PDE8B: variants seen among roughly 807,000 people sequenced by gnomAD.
PDE8B encodes the protein phosphodiesterase 8B.
Under a neutral mutation model 101.3 loss-of-function variants are expected in PDE8B, and 26 were observed. The ratio of observed to expected loss-of-function variants is 0.26; its 90% CI spans 0.19 to 0.36. The LOEUF (loss-of-function observed/expected upper bound fraction) is 0.36, where lower values mean the gene tolerates loss of function less well. Ranked by LOEUF, PDE8B falls within the 10% of genes least tolerant of loss-of-function variation. PDE8B has a pLI of 1.00. For synonymous variants in PDE8B, 424 were observed against 429.3 expected, an observed-to-expected ratio of 0.99 and a Z score of 0.15; for missense variants, 810 against 1,163.1, an observed-to-expected ratio of 0.70 and a Z score of 4.42.
chr5:77,373,154 C>G (rs761189049), intron 10 of PDE8B, among the ~76,000 whole-genome samples: 2 of 151,986 alleles, frequency 1.3e-5, no homozygotes, highest in African/African-American at 4.8e-5. Flanking sequence ...TTTGGAGAAC[C>G]AACTTGTAGG....
chr5:77,368,488 C>T (rs1025938536), intron 10 of PDE8B, among the ~76,000 whole-genome samples: 1 of 152,184 alleles, frequency 6.6e-6, no homozygotes, highest in Non-Finnish European at 1.5e-5. Flanking sequence ...TCTGGTCCCT[C>T]TCATGGAATG....
In PDE8B at chr5:77,255,108, C is replaced by T. The variant is rs954148594; in HGVS notation, c.339+43844C>T. Among the ~76,000 whole-genome samples the T allele has an allele frequency of 2.0e-5, 3 of 152,178 alleles. No individual in the cohort carries two copies. In the East Asian group the frequency reaches 5.8e-4, roughly 29 times the overall value. On this transcript the variant is annotated intron_variant, in intron 1 of 21. Coordinates refer to ENST00000264917, the MANE Select transcript of PDE8B (RefSeq NM_003719.5). ...GACTTTGGTCCTGGCAACTTTTCAG[C>T]CCCTTCTTTCATTTCCTCTGTAGCC...
At chr5:77,223,184 T>G (rs1288969477) in intron 1 of PDE8B, among the ~76,000 whole-genome samples, 2 of 152,220 alleles carry the variant, frequency 1.3e-5, no homozygotes, top group Admixed American at 1.3e-4. Flanking sequence ...TATTTTGACA[T>G]GTACTCAATA....
At chr5:77,101,524 C>A in the PDE8B span, among the ~76,000 whole-genome samples, 1 of 152,160 alleles carries the variant, frequency 6.6e-6, no homozygotes, top group Non-Finnish European at 1.5e-5. Context: ...TGAGTCATCA[C>A]CCTTATGAAA....
At chr5:77,422,835 C>A (rs1796960846) in intron 20 of PDE8B, among the ~76,000 whole-genome samples, 1 of 152,086 alleles carries the variant, frequency 6.6e-6, no homozygotes, top group Admixed American at 6.5e-5. Flanking sequence ...ATAGATGATG[C>A]CTAGGAAGAC....
chr5:77,329,056 G>C lies in PDE8B; in HGVS notation c.649G>C (p.Val217Leu). ...HTVILAVVSR[V>L]SDDHEEASVL... ...GGTGATCCTCGCAGTGGTTTCGCGA[G>C]TGTAAGTGCACCTCCCATTCCCAGA... Residue 217 changes from valine (V) to leucine (L), a missense_variant and splice_region_variant, in exon 4 of 22, where the codon GTA (valine) becomes CTA (leucine). By Grantham distance (32) the Val-to-Leu change is conservative. This residue lies in a region of PDE8B where 251 missense variants were observed against 378.8 expected (regional missense o/e 0.66). Transcript: ENST00000264917. 1 of 1,611,966 alleles carries C rather than the reference G, an allele frequency of 6.2e-7. No homozygotes were observed. The highest frequency in any genetic ancestry group is 1.1e-5 in the South Asian group (1 of 91,038).
intron 10 of PDE8B, among the ~76,000 whole-genome samples, chr5:77,363,558 A>G (rs553353866): frequency 1.3e-5 from 2 of 152,148 alleles, no homozygotes; most frequent in African/African-American, 4.8e-5. Flanking sequence ...CTAAAAATAC[A>G]AAAAGTAGCT....
chr5:77,325,747 AT>A lies in PDE8B; in HGVS notation c.590+19del. 6.6e-7 allele frequency: 1 copy of A among 1,525,900 alleles called. No individual in the cohort carries two copies. The highest frequency in any genetic ancestry group is 1.7e-5 in the Admixed American group (1 of 59,940). The allele number at this position is 1,525,900 out of a possible 1,614,324, so 94.5% of individuals were successfully genotyped here. On this transcript the variant is annotated intron_variant, in intron 3 of 21. Transcript: ENST00000264917. ...GTGTGCAGGTACCTTCTCTAATTTA[AT>A]ATGCTTAGTAAATGTTCACTTTACA...
At chr5:77,217,972 T>C (rs946631205) in intron 1 of PDE8B, among the ~76,000 whole-genome samples, 2 of 152,222 alleles carry the variant, frequency 1.3e-5, no homozygotes, top group Non-Finnish European at 2.9e-5. Flanking sequence ...GTTTTACTCT[T>C]TACCATTGAT....
At position 77,421,939 on chromosome 5, in the gene PDE8B, A is replaced by C; in HGVS notation, c.2369A>C (p.Asp790Ala). 6.2e-7 allele frequency: 1 copy of C among 1,614,160 alleles called. No homozygotes were observed. Among genetic ancestry groups the C allele is most frequent in the Admixed American group, 1.7e-5 (1 of 60,026 alleles). ...ADVANPCRPL[D>A]LCIEWAGRIS... ...GTGGCCAACCCATGCCGCCCCTTGG[A>C]CCTGTGCATTGAATGGGCTGGGAGG... The change falls in exon 20 of 22, where the codon GAC becomes GCC. Residue 790 changes from aspartate to alanine, a missense_variant. By Grantham distance (126) the Asp-to-Ala change is moderately radical (BLOSUM62 -2). Around this residue, in one of 4 missense-constraint regions of PDE8B, gnomAD observed 325 missense variants for 560.9 expected, o/e 0.58. Transcript: ENST00000264917.
chr5:77,265,265 C>A (rs1437134266), intron 1 of PDE8B, among the ~76,000 whole-genome samples: 1 of 152,142 alleles, frequency 6.6e-6, no homozygotes, highest in African/African-American at 2.4e-5. Context: ...CAATAAATAC[C>A]TGCTGGACTT....
rs1309090788 is a variant in PDE8B, at chr5:77,412,122, C to A, written c.1599C>A (p.His533Gln). The change falls in exon 16 of 22, where the codon CAC (histidine) becomes CAA (glutamine). Residue 533 changes from histidine to glutamine, a missense_variant. His to Gln is a conservative substitution (Grantham distance 24). Coordinates refer to ENST00000264917, the MANE Select transcript of PDE8B (RefSeq NM_003719.5). ...FTKNVHQSHS[H>Q]LAMPITINDV... ...CAGATGTGCACCAGAGTCACAGTCA[C>A]CTTGCAATGCCAATAACCATCAATG... The A allele has an allele frequency of 6.2e-7, 1 of 1,614,128 alleles. No homozygotes were observed. Among genetic ancestry groups the A allele is most frequent in the South Asian group, 1.1e-5 (1 of 91,082 alleles).
chr5:77,205,461 G>T (rs1747418225), upstream of PDE8B, among the ~76,000 whole-genome samples: 1 of 151,998 alleles, frequency 6.6e-6, no homozygotes. Flanking sequence ...CTGGGTGTCT[G>T]GTTCTGTGAG....
rs1748521966 is a variant in PDE8B, at chr5:77,211,958, T to A, written c.339+694T>A. 6.6e-6 allele frequency among the ~76,000 whole-genome samples: 1 copy of A among 152,126 alleles called. No individual in the cohort carries two copies. Among genetic ancestry groups the A allele is most frequent in the African/African-American group, 2.4e-5 (1 of 41,404 alleles). On this transcript the variant is annotated intron_variant, in intron 1 of 21. Transcript: ENST00000264917. This position sits in a 1 kb window ranked among gnomAD's most constrained non-coding sequence, Gnocchi z 4.1. ...TGAGGGGACGTGGTTTCCAGTGCAG[T>A]ACAGCTGTCTGAGGATGATTCTGCA...
chr5:77,248,443 T>TTTTG (rs386404170), intron 1 of PDE8B, among the ~76,000 whole-genome samples: 1 of 151,996 alleles, frequency 6.6e-6, no homozygotes, highest in Non-Finnish European at 1.5e-5. Context: ...TAAATTAGTT[T>TTTTG]TTGTTGTTGT....
At chr5:77,290,828 C>T in intron 1 of PDE8B, 1 of 1,512,508 alleles carries the variant, frequency 6.6e-7, no homozygotes, top group South Asian at 1.1e-5. Flanking sequence ...GAAATGTCTG[C>T]CTCTGGAAAG....
intron 1 of PDE8B, among the ~76,000 whole-genome samples, chr5:77,233,461 A>G (rs1753997239): frequency 6.6e-6 from 1 of 152,176 alleles, no homozygotes; most frequent in Admixed American, 6.5e-5. Context: ...ACAAAGTCTT[A>G]TAGCATTGTA....
chr5:77,146,305 G>A, the PDE8B span: 2 of 152,226 alleles, frequency 1.3e-5, no homozygotes, highest in Non-Finnish European at 2.9e-5. Flanking sequence ...GTGAACTGAG[G>A]ACAGATGCTA....
intron 10 of PDE8B, among the ~76,000 whole-genome samples, chr5:77,364,390 C>T (rs1420571435): frequency 6.6e-6 from 1 of 152,188 alleles, no homozygotes; most frequent in Non-Finnish European, 1.5e-5. Context: ...GCGTCTGGAT[C>T]TTCGCTTCTG....
Sources: gnomAD v4.1 joint callset for allele counts (sites outside exome capture counted in the v4.1 genomes callset) on GRCh38, gnomAD v4.1.1 for gene constraint, gnomAD v4.1.1 regional missense constraint, Gnocchi (gnomAD v3.1) non-coding constraint, MANE v1.5 for transcripts, NCBI Gene and HGNC (gene_info 2026-07-23, HGNC 2026-07-21) for gene names.